The following DAAM1 variants were observed in gnomAD, a reference collection of about 807,000 sequenced individuals.
DAAM1 encodes disheveled-associated activator of morphogenesis 1.
Under a neutral mutation model 130.0 loss-of-function variants are expected in DAAM1, and 52 were observed. The observed-to-expected ratio is 0.40, with a 90% CI of 0.32 to 0.50. The LOEUF (loss-of-function observed/expected upper bound fraction) is 0.50. DAAM1 is among the 20% of genes least tolerant of loss of function. The pLI is 0.61. For synonymous variants in DAAM1, 452 were observed against 444.5 expected, an observed-to-expected ratio of 1.02 and a Z score of -0.21; for missense variants, 1,134 against 1,303.8, an observed-to-expected ratio of 0.87 and a Z score of 2.01.
chr14:59,326,177 C>G, intron 10 of DAAM1, 100 bp downstream of exon 10: 1 of 1,124,808 alleles, frequency 8.9e-7, no homozygotes, highest in Admixed American at 2.0e-5. Context: ...GGGTGCACAC[C>G]AGGGATTCCA....
chr14:59,313,724 C>T (rs1566698353), intron 3 of DAAM1, among the ~76,000 whole-genome samples: 1 of 152,146 alleles, frequency 6.6e-6, no homozygotes, highest in African/African-American at 2.4e-5. Flanking sequence ...GCTAATACTC[C>T]CTTTTAAGAG....
intron 3 of DAAM1, among the ~76,000 whole-genome samples, chr14:59,293,142 T>C (rs184980540): frequency 6.6e-6 from 1 of 151,142 alleles, no homozygotes; most frequent in African/African-American, 2.4e-5. Context: ...GTAGATTCTT[T>C]CTGAAAATAA....
At chr14:59,350,095 T>A (rs574434563) in intron 17 of DAAM1, among the ~76,000 whole-genome samples, 1 of 152,196 alleles carries the variant, frequency 6.6e-6, no homozygotes, top group East Asian at 1.9e-4. Context: ...ACAAGATACA[T>A]CCTGAACAGT....
Position 59,327,532 on chromosome 14 carries a change from C to T in DAAM1, c.1372+541C>T, listed in dbSNP as rs563582704. 2.2e-4 allele frequency among the ~76,000 whole-genome samples: 33 copies of T among 151,382 alleles called. 1 individual carries two copies. The highest frequency in any genetic ancestry group is 1.4e-3 in the Admixed American group (21 of 15,158). The stretch of plus-strand genomic sequence containing the variant: ...ACGTCATTCTCCTGCCTCAGCCTCC[C>T]GAGTAGCTGGGACTACCGGCGCCCG... On this transcript the variant is annotated intron_variant, in intron 12 of 24. Transcript: ENST00000360909.
chr14:59,262,653 AGTGTGT>A (rs5809025), intron 1 of DAAM1, among the ~76,000 whole-genome samples: 4,092 of 140,810 alleles, frequency 0.029, 87 homozygotes, highest in Admixed American at 0.055. Context: ...ATATTCTATT[AGTGTGT>A]GTGTGTGTGT....
chr14:59,288,471 A>G (rs1437190384), intron 2 of DAAM1, among the ~76,000 whole-genome samples: 1 of 152,204 alleles, frequency 6.6e-6, no homozygotes, highest in Non-Finnish European at 1.5e-5. Flanking sequence ...AAGAGAGTAA[A>G]TAGACACCCT....
At chr14:59,249,895 GGA>G (rs1881557232) in intron 1 of DAAM1, among the ~76,000 whole-genome samples, 2 of 152,124 alleles carry the variant, frequency 1.3e-5, no homozygotes, top group South Asian at 4.2e-4. Flanking sequence ...TGGAAGTAGA[GGA>G]GAGTTTTGGA....
At chr14:59,273,515 G>T (rs1882818637) in intron 2 of DAAM1, among the ~76,000 whole-genome samples, 1 of 152,176 alleles carries the variant, frequency 6.6e-6, no homozygotes, top group African/African-American at 2.4e-5. Flanking sequence ...TGGTCCTGAT[G>T]ATTTTTATTA....
At chr14:59,337,553 C>T (rs1281409296) in intron 15 of DAAM1, among the ~76,000 whole-genome samples, 1 of 152,254 alleles carries the variant, frequency 6.6e-6, no homozygotes, top group Non-Finnish European at 1.5e-5. Flanking sequence ...AAGCCTTATT[C>T]ATTTCAGCAT....
At chr14:59,266,720 G>A (rs1882460522) in intron 2 of DAAM1, among the ~76,000 whole-genome samples, 1 of 152,222 alleles carries the variant, frequency 6.6e-6, no homozygotes, top group Non-Finnish European at 1.5e-5. Flanking sequence ...GCTCAAAGCT[G>A]CTGCAAACCT....
At position 59,347,641 on chromosome 14, in the gene DAAM1, T is replaced by C. The variant is rs1328872748; in HGVS notation, c.2160+18T>C. 6.2e-7 allele frequency: 1 copy of C among 1,611,932 alleles called. No individual in the cohort carries two copies. Among genetic ancestry groups the C allele is most frequent in the African/African-American group, 1.3e-5 (1 of 74,856 alleles). The stretch of plus-strand genomic sequence containing the variant: ...TGGAACAGGTGAGCTACCAGATGTA[T>C]CTGAGAGCAGAAGTGAAAAGCGACC... On this transcript the variant is annotated intron_variant, in intron 17 of 24. Transcript: ENST00000360909.
At chr14:59,270,882 G>A (rs1484859220) in intron 2 of DAAM1, among the ~76,000 whole-genome samples, 1 of 152,054 alleles carries the variant, frequency 6.6e-6, no homozygotes, top group African/African-American at 2.4e-5. Flanking sequence ...TCCTGTGTGA[G>A]ATTTTACGTA....
intron 2 of DAAM1, among the ~76,000 whole-genome samples, chr14:59,282,795 AAC>A (rs1380012021): frequency 2.0e-5 from 3 of 152,222 alleles, no homozygotes; most frequent in African/African-American, 4.8e-5. Flanking sequence ...ATCAATATAA[AAC>A]ACTACTATTA....
At chr14:59,284,940 A>G in intron 2 of DAAM1, among the ~76,000 whole-genome samples, 1 of 152,122 alleles carries the variant, frequency 6.6e-6, no homozygotes, top group East Asian at 1.9e-4. Flanking sequence ...TTGACGTGCA[A>G]ATTCAAGAAA....
intron 20 of DAAM1, among the ~76,000 whole-genome samples, chr14:59,356,704 A>G (rs1344545443): frequency 6.6e-6 from 1 of 152,256 alleles, no homozygotes; most frequent in Non-Finnish European, 1.5e-5. Flanking sequence ...CATTCTCTTC[A>G]ACTGTACACA....
At chr14:59,247,159 TAA>T (rs765575613) in intron 1 of DAAM1, among the ~76,000 whole-genome samples, 34 of 152,188 alleles carry the variant, frequency 2.2e-4, no homozygotes, top group Non-Finnish European at 4.1e-4. Context: ...CTTTCGCCAT[TAA>T]ATGGTCTAGT....
intron 1 of DAAM1, among the ~76,000 whole-genome samples, chr14:59,213,021 C>T (rs1000273271): frequency 1.3e-5 from 2 of 151,996 alleles, no homozygotes; most frequent in Admixed American, 1.3e-4. Context: ...AATACTTCTG[C>T]CCCTGCCCCC....
intron 12 of DAAM1, 38 bp downstream of exon 12, chr14:59,327,029 G>C: frequency 6.2e-7 from 1 of 1,607,062 alleles, no homozygotes. Flanking sequence ...TGTGTTATTG[G>C]TTATTGGGTG....
At position 59,325,963 on chromosome 14, in the gene DAAM1, C is replaced by T. The variant is rs1885188538; in HGVS notation, c.1060C>T (p.His354Tyr). 1.2e-6 allele frequency: 2 copies of T among 1,613,818 alleles called. No homozygotes were observed. Among genetic ancestry groups the T allele is most frequent in the African/African-American group, 2.7e-5 (2 of 75,050 alleles). The change falls in exon 10 of 25, where the codon CAC becomes TAC. Residue 354 changes from histidine to tyrosine, a missense_variant. Transcript: ENST00000360909. Reference sequence around the variant, plus strand: ...ATTTCTTTTTCCTGTGAAATAGGTTCACATAGACACAAAAAGTGCAACTCA... The same window carrying T: ...ATTTCTTTTTCCTGTGAAATAGGTTTACATAGACACAAAAAGTGCAACTCA... ...LEFAKRFELV[H>Y]IDTKSATQMF...
Sources: allele counts gnomAD v4.1 joint callset (sites outside exome capture counted in the v4.1 genomes callset), GRCh38; gene constraint gnomAD v4.1.1; transcripts MANE v1.5; gene names NCBI Gene and HGNC (gene_info 2026-07-23, HGNC 2026-07-21).